Variants in TSPAN18 observed in about 807,000 individuals in gnomAD.
TSPAN18 encodes tetraspanin-18.
In TSPAN18, 14 loss-of-function variants were observed where a neutral mutation model predicts 27.3. That is an observed-to-expected ratio of 0.51 (90% CI 0.34 to 0.80). TSPAN18 has a LOEUF of 0.80. Among genes scored for constraint, TSPAN18 ranks in the 30% least tolerant of loss-of-function variants. TSPAN18 has a pLI of 0.01. For synonymous variants in TSPAN18, 143 were observed against 136.5 expected, an observed-to-expected ratio of 1.05 and a Z score of -0.33; for missense variants, 268 against 323.9, an observed-to-expected ratio of 0.83 and a Z score of 1.32.
At position 44,921,859 on chromosome 11, in the gene TSPAN18, A is replaced by T. The variant is rs58471720; in HGVS notation, c.615+1860A>T. 2.8e-3 allele frequency among the ~76,000 whole-genome samples: 431 copies of T among 152,276 alleles called. 4 individuals carry two copies. Among genetic ancestry groups the T allele is most frequent in the African/African-American group, 0.01 (417 of 41,556 alleles). On this transcript the variant is annotated intron_variant, in intron 8 of 9. Transcript: ENST00000520358. ...AGATGTGCTTCCCATTTCTGGACTCATCCTCCGTTAGGATGTCTCCTTTCC... is the reference window on the plus strand; with the variant it reads ...AGATGTGCTTCCCATTTCTGGACTCTTCCTCCGTTAGGATGTCTCCTTTCC...
rs145173845 is a variant in TSPAN18, at chr11:44,734,032, G to C, written c.-240+6745G>C. Among the ~76,000 whole-genome samples, 19 of 152,174 alleles carry C rather than the reference G, an allele frequency of 1.2e-4. No homozygotes were observed. In the East Asian group the frequency reaches 2.5e-3, roughly 20 times the overall value. ...CCTTCCTCAAGTGAATTCTCATGCT[G>C]TCAGTTCCCAGGAGAGCTGATTGTT... On this transcript the variant is annotated intron_variant, in intron 1 of 9. Transcript: ENST00000520358.
chr11:44,927,860 C>T (rs1860425613), intron 9 of TSPAN18, among the ~76,000 whole-genome samples: 1 of 152,132 alleles, frequency 6.6e-6, no homozygotes, highest in Non-Finnish European at 1.5e-5. Flanking sequence ...CACCCTGCTC[C>T]CAGGGCACAG....
At chr11:44,795,033 A>G (rs1306156574) in intron 2 of TSPAN18, among the ~76,000 whole-genome samples, 2 of 152,024 alleles carry the variant, frequency 1.3e-5, no homozygotes, top group Non-Finnish European at 2.9e-5. Context: ...ATTGTCCAAG[A>G]CCACCTCAAA....
Position 44,918,205 on chromosome 11 carries a change from C to A in TSPAN18, c.333+159C>A, listed in dbSNP as rs559088528. ...TCATGGCCCCACCCGCCTGGCAAGG[C>A]CCCGCAGACCAGGGAGAGACCCCAG... On this transcript the variant is annotated intron_variant, in intron 6 of 9. Transcript: ENST00000520358. Among the ~76,000 whole-genome samples, 5 of 152,330 alleles carry A rather than the reference C, an allele frequency of 3.3e-5. 1 individual carries two copies. The South Asian group carries it at 1.0e-3, about 32-fold the overall frequency.
chr11:44,901,828 G>A (rs1181977697), intron 3 of TSPAN18, among the ~76,000 whole-genome samples: 1 of 152,188 alleles, frequency 6.6e-6, no homozygotes, highest in Non-Finnish European at 1.5e-5. Context: ...TGTGATACTG[G>A]CCAGGTTACT....
chr11:44,893,358 C>T (rs1257127725), intron 3 of TSPAN18, among the ~76,000 whole-genome samples: 6 of 152,192 alleles, frequency 3.9e-5, no homozygotes, highest in Admixed American at 6.5e-5. Flanking sequence ...TTAAGGCACC[C>T]GCCCCTCAGG....
intron 5 of TSPAN18, among the ~76,000 whole-genome samples, chr11:44,911,382 T>C (rs1297957186): frequency 1.3e-5 from 2 of 151,932 alleles, no homozygotes; most frequent in Non-Finnish European, 2.9e-5. Flanking sequence ...GGTGAGATGC[T>C]CCCCATCCAA....
intron 2 of TSPAN18, among the ~76,000 whole-genome samples, chr11:44,796,178 C>T (rs1590483623): frequency 1.3e-5 from 2 of 152,168 alleles, no homozygotes; most frequent in Non-Finnish European, 2.9e-5. Context: ...AAAATGGAGG[C>T]TCCTGGTTCT....
chr11:44,734,067 G>A (rs1371332077), intron 1 of TSPAN18, among the ~76,000 whole-genome samples: 1 of 152,058 alleles, frequency 6.6e-6, no homozygotes, highest in Non-Finnish European at 1.5e-5. Context: ...TAAAGAGCCT[G>A]GCTCCTCCCT....
chr11:44,900,680 C>CTGTTTTTTTTTT (rs1859227200), intron 3 of TSPAN18, among the ~76,000 whole-genome samples: 1 of 49,702 alleles, frequency 2.0e-5, no homozygotes, highest in African/African-American at 9.0e-5. Context: ...TTGAGGAAGG[C>CTGTTTTTTTTTT]TTTTTTTTTT....
chr11:44,874,553 G>A (rs534849476), intron 3 of TSPAN18, among the ~76,000 whole-genome samples: 3 of 152,244 alleles, frequency 2.0e-5, no homozygotes, highest in Admixed American at 6.5e-5. Context: ...ATTCATGCCC[G>A]AGTCTATCTT....
intron 2 of TSPAN18, among the ~76,000 whole-genome samples, chr11:44,781,395 A>T (rs548192570): frequency 6.6e-6 from 1 of 152,182 alleles, no homozygotes; most frequent in Non-Finnish European, 1.5e-5. Flanking sequence ...TGTTACAACA[A>T]CCTTAATTGG....
In TSPAN18 at chr11:44,888,573, C is replaced by T. The variant is rs567359977; in HGVS notation, c.-10-17834C>T. ...TTCAACAGCAGCGAGTCCAGAGTCACCTTTCCCTGGGGCTGGGCTTGGCTT... is the reference window on the plus strand; with the variant it reads ...TTCAACAGCAGCGAGTCCAGAGTCATCTTTCCCTGGGGCTGGGCTTGGCTT... On this transcript the variant is annotated intron_variant, in intron 3 of 9. Coordinates refer to ENST00000520358, the MANE Select transcript of TSPAN18 (RefSeq NM_130783.5). Among the ~76,000 whole-genome samples, 10 of 152,260 alleles carry T rather than the reference C, an allele frequency of 6.6e-5. No individual in the cohort carries two copies. The South Asian group carries it at 2.1e-3, about 32-fold the overall frequency.
At chr11:44,915,696 A>G (rs1202814959) in intron 5 of TSPAN18, among the ~76,000 whole-genome samples, 2 of 152,194 alleles carry the variant, frequency 1.3e-5, no homozygotes, top group Non-Finnish European at 1.5e-5. Flanking sequence ...CAGGGAGCAG[A>G]CACAGCCTGG....
chr11:44,732,347 A>G (rs76924872), intron 1 of TSPAN18, among the ~76,000 whole-genome samples: 48 of 152,366 alleles, frequency 3.2e-4, no homozygotes, highest in African/African-American at 1.1e-3. Context: ...TGGTTTGGAT[A>G]CTGCCCCCAT....
At chr11:44,876,776 T>G (rs868728847) in intron 3 of TSPAN18, among the ~76,000 whole-genome samples, 3 of 152,250 alleles carry the variant, frequency 2.0e-5, no homozygotes, top group Non-Finnish European at 4.4e-5. Flanking sequence ...TACTCTTTGG[T>G]ACTGCTTCAG....
intron 3 of TSPAN18, among the ~76,000 whole-genome samples, chr11:44,897,576 G>A (rs897288913): frequency 5.3e-5 from 8 of 152,204 alleles, no homozygotes; most frequent in South Asian, 2.1e-4. Context: ...CCACTCCCCC[G>A]CTGGAGTGGC....
At chr11:44,855,405 T>C (rs1056156452) in intron 2 of TSPAN18, among the ~76,000 whole-genome samples, 1 of 152,214 alleles carries the variant, frequency 6.6e-6, no homozygotes, top group Non-Finnish European at 1.5e-5. Context: ...AGGGGAAAGG[T>C]ATCACTAGTT....
At position 44,798,395 on chromosome 11, in the gene TSPAN18, G is replaced by A. The variant is rs563816914; in HGVS notation, c.-153+33883G>A. Among the ~76,000 whole-genome samples, 3 of 152,322 alleles carry A rather than the reference G, an allele frequency of 2.0e-5. No individual in the cohort carries two copies. The South Asian group carries it at 6.2e-4, about 32-fold the overall frequency. On this transcript the variant is annotated intron_variant, in intron 2 of 9. Transcript: ENST00000520358. ...AAAGACGGGGAAAGCAAGACTTGGA[G>A]GATTAAGTCGCTTGTCCAAGGTCAC...
Sources: allele counts gnomAD v4.1 joint callset (sites outside exome capture counted in the v4.1 genomes callset), GRCh38; gene constraint gnomAD v4.1.1; transcripts MANE v1.5; gene names NCBI Gene and HGNC (gene_info 2026-07-23, HGNC 2026-07-21).